HYCC1: variants seen among roughly 807,000 people sequenced by gnomAD.
The protein encoded by HYCC1 is hyccin PI4KA lipid kinase complex subunit 1.
At chr7:22,975,337 TA>T in the HYCC1 span, among the ~76,000 whole-genome samples, 1 of 152,200 alleles carries the variant, frequency 6.6e-6, no homozygotes, top group African/African-American at 2.4e-5. Context: ...TCATTGTTAA[TA>T]TTCTGGTCAT....
the HYCC1 span, among the ~76,000 whole-genome samples, chr7:22,983,369 A>G: frequency 6.6e-6 from 1 of 152,058 alleles, no homozygotes. Context: ...CTGAAAAAAG[A>G]AAGAGTGGTA....
the HYCC1 span, among the ~76,000 whole-genome samples, chr7:22,914,220 G>T: frequency 6.6e-6 from 1 of 152,170 alleles, no homozygotes; most frequent in Admixed American, 6.5e-5. Context: ...GGGGACGCCT[G>T]CCCTGGTCAT....
chr7:22,963,356 G>A, the HYCC1 span, among the ~76,000 whole-genome samples: 17 of 152,056 alleles, frequency 1.1e-4, no homozygotes, highest in South Asian at 2.1e-4. Context: ...GCAAAGAGAC[G>A]GGAACTACAA....
chr7:22,919,685 C>T, the HYCC1 span, among the ~76,000 whole-genome samples: 14 of 150,848 alleles, frequency 9.3e-5, no homozygotes, highest in South Asian at 2.9e-3. Flanking sequence ...AGGGGCTCAA[C>T]TAAACTAGAT....
At chr7:22,990,976 T>C in the HYCC1 span, 9 of 893,932 alleles carry the variant, frequency 1.0e-5, no homozygotes, top group South Asian at 4.0e-5. Context: ...CTTTCAGTCA[T>C]ATAAAATACA....
the HYCC1 span, among the ~76,000 whole-genome samples, chr7:22,969,523 TG>T: frequency 1.4e-4 from 15 of 109,660 alleles, no homozygotes; most frequent in East Asian, 7.7e-4. Context: ...TGTTTTTTTT[TG>T]GTTTTTTTTT....
chr7:23,003,802 G>A, the HYCC1 span, among the ~76,000 whole-genome samples: 1 of 152,166 alleles, frequency 6.6e-6, no homozygotes, highest in Admixed American at 6.5e-5. Flanking sequence ...AAATAGTAGG[G>A]CAAAGAGGGA....
the HYCC1 span, among the ~76,000 whole-genome samples, chr7:22,985,345 A>G: frequency 6.6e-6 from 1 of 152,210 alleles, no homozygotes; most frequent in Non-Finnish European, 1.5e-5. Flanking sequence ...GAACTGTCTT[A>G]TCATCTCTGC....
chr7:22,924,197 G>T, the HYCC1 span, among the ~76,000 whole-genome samples: 1 of 136,580 alleles, frequency 7.3e-6, no homozygotes, highest in Non-Finnish European at 1.6e-5. Context: ...AAAAAAAAAG[G>T]GGGGTGGAGC....
the HYCC1 span, among the ~76,000 whole-genome samples, chr7:22,986,596 C>T: frequency 6.6e-6 from 1 of 152,166 alleles, no homozygotes; most frequent in South Asian, 2.1e-4. Flanking sequence ...GCCTGTAATC[C>T]CAGCATTTTG....
the HYCC1 span, among the ~76,000 whole-genome samples, chr7:22,918,091 A>T: frequency 6.6e-6 from 1 of 152,292 alleles, no homozygotes; most frequent in African/African-American, 2.4e-5. Context: ...ACCTAAAATC[A>T]ATCTAGCCTG....
chr7:22,977,191 C>A, the HYCC1 span: 1 of 646,558 alleles, frequency 1.5e-6, no homozygotes, highest in Non-Finnish European at 2.8e-6. Flanking sequence ...TTTCTTATCT[C>A]AATTTGGAAA....
the HYCC1 span, among the ~76,000 whole-genome samples, chr7:22,962,281 G>A: frequency 6.6e-6 from 1 of 152,148 alleles, no homozygotes. Flanking sequence ...GCTAGCAGGA[G>A]AGTACAGAAT....
At chr7:22,965,899 A>G in the HYCC1 span, among the ~76,000 whole-genome samples, 1 of 152,154 alleles carries the variant, frequency 6.6e-6, no homozygotes, top group African/African-American at 2.4e-5. Context: ...GATTACAGGT[A>G]TCACACTCAG....
chr7:22,965,068 A>G, the HYCC1 span, among the ~76,000 whole-genome samples: 2 of 150,558 alleles, frequency 1.3e-5, no homozygotes, highest in African/African-American at 2.4e-5. Flanking sequence ...TGGGAGGTGG[A>G]GGTTGCAGTA....
the HYCC1 span, among the ~76,000 whole-genome samples, chr7:22,923,339 T>C: frequency 6.6e-6 from 1 of 152,154 alleles, no homozygotes; most frequent in Non-Finnish European, 1.5e-5. Context: ...CACAAGTAAA[T>C]TCAGACTTTT....
the HYCC1 span, among the ~76,000 whole-genome samples, chr7:22,967,336 G>C: frequency 6.6e-6 from 1 of 152,308 alleles, no homozygotes; most frequent in East Asian, 1.9e-4. Flanking sequence ...TGAAGAAAAA[G>C]TGATATTTTT....
the HYCC1 span, among the ~76,000 whole-genome samples, chr7:22,975,044 C>T: frequency 6.6e-6 from 1 of 152,172 alleles, no homozygotes; most frequent in South Asian, 2.1e-4. Context: ...ATTACCCAGT[C>T]TCGGGTATTT....
chr7:22,974,554 C>T, the HYCC1 span, among the ~76,000 whole-genome samples: 1 of 152,230 alleles, frequency 6.6e-6, no homozygotes, highest in African/African-American at 2.4e-5. Context: ...TTGGAAAACA[C>T]CTGAAAGACT....
Sources: allele counts gnomAD v4.1 joint callset (sites outside exome capture counted in the v4.1 genomes callset), GRCh38; gene constraint gnomAD v4.1.1; transcripts MANE v1.5; gene names NCBI Gene and HGNC (gene_info 2026-07-23, HGNC 2026-07-21).